The following MACROD2 variants were observed in gnomAD, a reference collection of about 807,000 sequenced individuals.
MACROD2 encodes the protein mono-ADP ribosylhydrolase 2.
Under a neutral mutation model 70.4 loss-of-function variants are expected in MACROD2, and 36 were observed. The ratio of observed to expected loss-of-function variants is 0.51; its 90% CI spans 0.39 to 0.68. The LOEUF (loss-of-function observed/expected upper bound fraction) is 0.68, where lower values mean the gene tolerates loss of function less well. Among genes scored for constraint, MACROD2 ranks in the 30% least tolerant of loss-of-function variants. The probability of loss-of-function intolerance (pLI) is 0.00; values close to 1 mark genes in which losing one functional copy is unlikely to be tolerated. For missense variants in MACROD2, 496 were observed against 538.4 expected (o/e 0.92, Z 0.78); for synonymous variants, 172 against 178.8 (o/e 0.96, Z 0.30).
chr20:15,375,894 A>C (rs1255333648), intron 6 of MACROD2, among the ~76,000 whole-genome samples: 1 of 152,142 alleles, frequency 6.6e-6, no homozygotes, highest in Non-Finnish European at 1.5e-5. Context: ...CACTATTCAA[A>C]ACCAGGTCTG....
intron 5 of MACROD2, among the ~76,000 whole-genome samples, chr20:15,207,902 T>G (rs538007237): frequency 6.6e-6 from 1 of 152,246 alleles, no homozygotes; most frequent in Non-Finnish European, 1.5e-5. Context: ...TCCTTTTTGT[T>G]GTATTCAGTT....
chr20:15,716,182 T>C (rs2050704966), intron 8 of MACROD2, among the ~76,000 whole-genome samples: 1 of 152,194 alleles, frequency 6.6e-6, no homozygotes, highest in Non-Finnish European at 1.5e-5. Context: ...TAAAAATTTG[T>C]CCCAAATATC....
intron 3 of MACROD2, among the ~76,000 whole-genome samples, chr20:14,127,133 G>A (rs968078640): frequency 6.6e-6 from 1 of 152,200 alleles, no homozygotes; most frequent in Admixed American, 6.5e-5. Flanking sequence ...GAAATTAAAA[G>A]TGCTACTCCA....
intron 5 of MACROD2, among the ~76,000 whole-genome samples, chr20:14,966,916 G>C (rs1225043974): frequency 6.6e-6 from 1 of 152,032 alleles, no homozygotes; most frequent in Non-Finnish European, 1.5e-5. Flanking sequence ...CATTCTTGAA[G>C]CTGTCTTTTC....
At chr20:15,101,026 A>T (rs2075868226) in intron 5 of MACROD2, among the ~76,000 whole-genome samples, 1 of 152,120 alleles carries the variant, frequency 6.6e-6, no homozygotes, top group East Asian at 1.9e-4. Context: ...TCCCTTTAAA[A>T]TGTGAGAATT....
intron 4 of MACROD2, among the ~76,000 whole-genome samples, chr20:14,528,290 C>CTT (rs71335971): frequency 7.3e-6 from 1 of 136,760 alleles, no homozygotes; most frequent in Non-Finnish European, 1.6e-5. Flanking sequence ...TGTGTTGTTG[C>CTT]TTTTTTTTTT....
At chr20:14,379,669 T>C (rs1327807803) in intron 3 of MACROD2, among the ~76,000 whole-genome samples, 2 of 152,122 alleles carry the variant, frequency 1.3e-5, no homozygotes, top group Non-Finnish European at 2.9e-5. Context: ...GTCTATAAAT[T>C]TGCCTGTTCT....
chr20:15,522,849 G>A (rs930373799), intron 8 of MACROD2, among the ~76,000 whole-genome samples: 1 of 152,142 alleles, frequency 6.6e-6, no homozygotes, highest in Non-Finnish European at 1.5e-5. Flanking sequence ...CCTGCCTTTT[G>A]GATCTAGGAG....
intron 7 of MACROD2, among the ~76,000 whole-genome samples, chr20:15,495,532 T>C (rs550004120): frequency 2.0e-5 from 3 of 152,304 alleles, no homozygotes; most frequent in African/African-American, 7.2e-5. Context: ...CTCCTCCCCA[T>C]ACTCTAAGGC....
intron 10 of MACROD2, among the ~76,000 whole-genome samples, chr20:15,894,486 C>G (rs2064939252): frequency 6.6e-6 from 1 of 152,172 alleles, no homozygotes; most frequent in African/African-American, 2.4e-5. Context: ...ATAGGATGAG[C>G]AGACCAGGAA....
chr20:14,100,728 A>AT (rs1167592996), intron 3 of MACROD2, among the ~76,000 whole-genome samples: 1 of 135,156 alleles, frequency 7.4e-6, no homozygotes, highest in African/African-American at 2.7e-5. Flanking sequence ...ATTTATATAT[A>AT]ATATATATAA....
At chr20:14,886,939 G>A (rs1367605368) in intron 5 of MACROD2, among the ~76,000 whole-genome samples, 1 of 152,108 alleles carries the variant, frequency 6.6e-6, no homozygotes, top group African/African-American at 2.4e-5. Flanking sequence ...CTCTAGTGGG[G>A]AATTTTAGGG....
intron 3 of MACROD2, chr20:14,127,861 C>A: frequency 2.1e-6 from 1 of 482,652 alleles, no homozygotes; most frequent in Non-Finnish European, 4.1e-6. Context: ...AACTCTAAGC[C>A]AATAAATGTT....
intron 12 of MACROD2, among the ~76,000 whole-genome samples, chr20:15,940,281 A>G (rs1347840009): frequency 2.0e-5 from 3 of 149,928 alleles, no homozygotes; most frequent in Non-Finnish European, 3.0e-5. Context: ...TTTTAAGTAG[A>G]GACGGGGTTT....
chr20:15,770,959 G>T (rs189265363), intron 8 of MACROD2, among the ~76,000 whole-genome samples: 1 of 152,276 alleles, frequency 6.6e-6, no homozygotes, highest in South Asian at 2.1e-4. Context: ...CCAAATCAAT[G>T]AGGAATGAGA....
At position 14,152,807 on chromosome 20, in the gene MACROD2, A is replaced by G. The variant is rs142431128; in HGVS notation, c.271+67079A>G. On this transcript the variant is annotated intron_variant, in intron 3 of 17. Transcript: ENST00000684519. ...CTTGTATTATGACCATTAATATATA[A>G]TCTTGGCAACTCTTGTGTTTCTGTT... is the stretch of plus-strand genomic sequence containing the variant. Among the ~76,000 whole-genome samples the G allele has an allele frequency of 2.2e-3, 341 of 152,232 alleles. 3 individuals carry two copies. The highest frequency in any genetic ancestry group is 8.0e-3 in the African/African-American group (331 of 41,538).
chr20:14,524,328 A>G (rs2085205309), intron 4 of MACROD2, among the ~76,000 whole-genome samples: 3 of 152,180 alleles, frequency 2.0e-5, no homozygotes, highest in Admixed American at 6.5e-5. Context: ...CCTTTCCGAT[A>G]TAATTATGTG....
chr20:15,374,506 A>G (rs1406716021), intron 6 of MACROD2, among the ~76,000 whole-genome samples: 3 of 152,236 alleles, frequency 2.0e-5, no homozygotes, highest in East Asian at 3.9e-4. Context: ...TACCTTCCAC[A>G]TAAGATTCAT....
intron 8 of MACROD2, among the ~76,000 whole-genome samples, chr20:15,615,194 C>T (rs2049020989): frequency 6.6e-6 from 1 of 152,184 alleles, no homozygotes; most frequent in Non-Finnish European, 1.5e-5. Flanking sequence ...TATCGAAATG[C>T]AGACCAGGAT....
Sources: gnomAD v4.1 joint callset for allele counts (sites outside exome capture counted in the v4.1 genomes callset) on GRCh38, gnomAD v4.1.1 for gene constraint, MANE v1.5 for transcripts, NCBI Gene and HGNC (gene_info 2026-07-23, HGNC 2026-07-21) for gene names.